The following SRGAP1 variants were observed in gnomAD, a reference collection of about 807,000 sequenced individuals.
SRGAP1 encodes SLIT-ROBO Rho GTPase activating protein 1.
Under a neutral mutation model 121.9 loss-of-function variants are expected in SRGAP1, and 43 were observed. That is an observed-to-expected ratio of 0.35 (90% confidence interval 0.28 to 0.46). The LOEUF is 0.46. SRGAP1 is among the 20% of genes least tolerant of loss of function. SRGAP1 has a pLI of 1.00. For missense variants in SRGAP1, 1,102 were observed against 1,350.9 expected (o/e 0.82, Z 2.89); for synonymous variants, 447 against 485.4 (o/e 0.92, Z 1.04).
intron 1 of SRGAP1, among the ~76,000 whole-genome samples, chr12:63,917,830 C>T (rs1285152138): frequency 3.9e-5 from 6 of 152,238 alleles, no homozygotes; most frequent in Admixed American, 1.3e-4. Context: ...CAATTTCCCA[C>T]GCTAGCTGTG....
intron 1 of SRGAP1, among the ~76,000 whole-genome samples, chr12:63,896,658 G>T (rs1900763835): frequency 6.6e-6 from 1 of 152,208 alleles, no homozygotes; most frequent in Admixed American, 6.5e-5. Flanking sequence ...ATTAGTAAAT[G>T]ATGTTTATAT....
intron 3 of SRGAP1, among the ~76,000 whole-genome samples, chr12:64,003,058 G>A (rs1565632440): frequency 7.8e-6 from 1 of 127,830 alleles, no homozygotes; most frequent in Non-Finnish European, 1.6e-5. Context: ...GAGAAAGAGA[G>A]AAAGAAAGGG....
At chr12:63,855,478 T>TTTTTTG (rs1156742954) in intron 1 of SRGAP1, among the ~76,000 whole-genome samples, 20 of 72,540 alleles carry the variant, frequency 2.8e-4, no homozygotes, top group African/African-American at 1.2e-3. Context: ...ATGGTGTTTT[T>TTTTTTG]TTTTTTTTTT....
chr12:64,002,100 G>A (rs914828012), intron 3 of SRGAP1, among the ~76,000 whole-genome samples: 7 of 152,196 alleles, frequency 4.6e-5, no homozygotes, highest in Admixed American at 1.3e-4. Context: ...CTAGAAACCT[G>A]GAAGGAGACA....
At chr12:64,062,890 G>A (rs1341206963) in intron 6 of SRGAP1, 27 bp from the exon 7 acceptor site, 1 of 1,565,720 alleles carries the variant, frequency 6.4e-7, no homozygotes, top group Non-Finnish European at 8.7e-7. Context: ...ATTCATTTTT[G>A]TATGTGGTGT....
intron 1 of SRGAP1, among the ~76,000 whole-genome samples, chr12:63,893,934 G>A (rs1900667115): frequency 6.6e-6 from 1 of 152,194 alleles, no homozygotes; most frequent in Non-Finnish European, 1.5e-5. Context: ...CGTCTCCTGG[G>A]TTCAAGTGAT....
At chr12:63,871,637 C>CT (rs376369458) in intron 1 of SRGAP1, 4,019 of 483,512 alleles carry the variant, frequency 8.3e-3, no homozygotes, top group Middle Eastern at 0.01. Context: ...TTTCTTTTTT[C>CT]TTTTTTTTTT....
intron 3 of SRGAP1, among the ~76,000 whole-genome samples, chr12:64,004,435 G>A (rs2034012810): frequency 6.6e-6 from 1 of 152,074 alleles, no homozygotes. Context: ...GCAGTGGCGT[G>A]GTCTCAGCTC....
chr12:64,123,672 ATTTAT>A (rs2036640296), intron 18 of SRGAP1, among the ~76,000 whole-genome samples: 1 of 150,202 alleles, frequency 6.7e-6, no homozygotes, highest in African/African-American at 2.4e-5. Flanking sequence ...TTATTTATTT[ATTTAT>A]TTATTTATTT....
At chr12:63,912,840 C>T (rs1438916070) in intron 1 of SRGAP1, among the ~76,000 whole-genome samples, 1 of 152,066 alleles carries the variant, frequency 6.6e-6, no homozygotes, top group South Asian at 2.1e-4. Flanking sequence ...TCATGGCCTG[C>T]AACACTAGCT....
chr12:64,075,955 T>C (rs1050703163), intron 8 of SRGAP1, among the ~76,000 whole-genome samples: 1 of 152,052 alleles, frequency 6.6e-6, no homozygotes, highest in Admixed American at 6.6e-5. Flanking sequence ...GATTTCCACT[T>C]CCTGTAATGA....
chr12:64,003,478 G>GAAAAAAA (rs531819299), intron 3 of SRGAP1, among the ~76,000 whole-genome samples: 1 of 42,778 alleles, frequency 2.3e-5, no homozygotes, highest in Admixed American at 2.5e-4. Context: ...GGAAGTTTCA[G>GAAAAAAA]AAAAAAAAAA....
chr12:63,966,462 T>A (rs1159873393), intron 1 of SRGAP1, among the ~76,000 whole-genome samples: 1 of 152,158 alleles, frequency 6.6e-6, no homozygotes, highest in Non-Finnish European at 1.5e-5. Flanking sequence ...ACAAAGGAAA[T>A]CTTCACTTAT....
At chr12:64,041,248 G>A (rs1309446471) in intron 4 of SRGAP1, among the ~76,000 whole-genome samples, 7 of 152,030 alleles carry the variant, frequency 4.6e-5, no homozygotes, top group African/African-American at 1.4e-4. Flanking sequence ...AATATTTAAT[G>A]ATATAGGAAA....
intron 1 of SRGAP1, among the ~76,000 whole-genome samples, chr12:63,863,723 G>A (rs1240941426): frequency 1.3e-5 from 2 of 152,152 alleles, no homozygotes; most frequent in Non-Finnish European, 2.9e-5. Flanking sequence ...TATCTGTATT[G>A]TTAAAATAAA....
At chr12:63,852,098 T>C (rs867361554) in intron 1 of SRGAP1, among the ~76,000 whole-genome samples, 2 of 152,168 alleles carry the variant, frequency 1.3e-5, no homozygotes, top group Admixed American at 6.6e-5. Flanking sequence ...GCTCAGGTGA[T>C]CCTGCCACCT....
chr12:64,068,314 C>CA (rs1446017378), intron 8 of SRGAP1, among the ~76,000 whole-genome samples: 5 of 149,732 alleles, frequency 3.3e-5, no homozygotes, highest in Non-Finnish European at 7.4e-5. Flanking sequence ...GCACCACCTG[C>CA]AACAGACCCT....
intron 16 of SRGAP1, among the ~76,000 whole-genome samples, chr12:64,110,099 CTA>C (rs926277525): frequency 1.2e-4 from 18 of 152,164 alleles, no homozygotes; most frequent in African/African-American, 4.1e-4. Flanking sequence ...AGGCTAGACA[CTA>C]TACATTTTTA....
At chr12:64,127,023 T>G (rs1242741710) in intron 19 of SRGAP1, among the ~76,000 whole-genome samples, 2 of 152,228 alleles carry the variant, frequency 1.3e-5, no homozygotes, top group Non-Finnish European at 2.9e-5. Flanking sequence ...TACACCATTG[T>G]GTTACAACTG....
Sources: allele counts gnomAD v4.1 joint callset (sites outside exome capture counted in the v4.1 genomes callset), GRCh38; gene constraint gnomAD v4.1.1; transcripts MANE v1.5; gene names NCBI Gene and HGNC (gene_info 2026-07-23, HGNC 2026-07-21).